Variants in LRRC31 observed in about 807,000 individuals in gnomAD.
LRRC31 encodes the protein leucine-rich repeat-containing protein 31.
A neutral mutation model predicts 46.7 loss-of-function variants in LRRC31; 35 were observed. The ratio of observed to expected loss-of-function variants is 0.75; its 90% CI spans 0.57 to 0.99. The LOEUF (loss-of-function observed/expected upper bound fraction) is 0.99. Ranked by LOEUF, LRRC31 falls within the 50% of genes least tolerant of loss-of-function variation. LRRC31 has a pLI of 0.00. For missense variants in LRRC31, 613 were observed against 626.1 expected (o/e 0.98, Z 0.22); for synonymous variants, 236 against 235.1 (o/e 1.00, Z -0.03).
At chr3:169,844,528 T>G (rs1780545462) in intron 8 of LRRC31, among the ~76,000 whole-genome samples, 1 of 152,186 alleles carries the variant, frequency 6.6e-6, no homozygotes, top group South Asian at 2.1e-4. Context: ...CTTAGGGGAC[T>G]AAGACTGGAA....
At chr3:169,869,532 C>T in intron 1 of LRRC31, 101 bp downstream of exon 1, 7 of 1,014,968 alleles carry the variant, frequency 6.9e-6, no homozygotes, top group Non-Finnish European at 6.9e-6. Context: ...AATATATACA[C>T]CTACTATGTA....
intron 1 of LRRC31, among the ~76,000 whole-genome samples, chr3:169,865,659 G>T (rs116389143): frequency 6.6e-6 from 1 of 152,208 alleles, no homozygotes; most frequent in Non-Finnish European, 1.5e-5. Flanking sequence ...CACCGTTACC[G>T]TATAGATGAG....
chr3:169,849,898 TG>T (rs1389044945), intron 7 of LRRC31, among the ~76,000 whole-genome samples: 1 of 152,222 alleles, frequency 6.6e-6, no homozygotes, highest in Non-Finnish European at 1.5e-5. Flanking sequence ...TTCCAAGTTC[TG>T]GGATATTAGC....
Position 169,869,873 on chromosome 3 carries a change from C to T in LRRC31, c.-66G>A. The stretch of plus-strand genomic sequence containing the variant: ...TGTTGCTTTCTGTTTTCTAGGATTT[C>T]TAAGAAGAAAAGAAGATTCTGTCAA... On this transcript the variant is annotated 5_prime_UTR_variant, in exon 1 of 9. Coordinates refer to ENST00000316428, the MANE Select transcript of LRRC31 (RefSeq NM_024727.4). 3 of 1,416,298 alleles carry T rather than the reference C, an allele frequency of 2.1e-6. No homozygotes were observed. The highest frequency in any genetic ancestry group is 2.8e-6 in the Non-Finnish European group (3 of 1,054,502). 87.7% of individuals were successfully genotyped at this position (1,416,298 alleles called of 1,614,324 possible).
chr3:169,863,259 G>A (rs1015063917), intron 1 of LRRC31, among the ~76,000 whole-genome samples: 9 of 152,030 alleles, frequency 5.9e-5, no homozygotes, highest in African/African-American at 2.2e-4. Context: ...TACTGACAGT[G>A]ATTTTAAAGT....
chr3:169,866,106 A>G (rs1468678058), intron 1 of LRRC31, among the ~76,000 whole-genome samples: 1 of 152,182 alleles, frequency 6.6e-6, no homozygotes, highest in African/African-American at 2.4e-5. Flanking sequence ...AAACTCAGTG[A>G]AGGATTTTAA....
chr3:169,847,938 G>GT (rs1780652754), intron 8 of LRRC31, among the ~76,000 whole-genome samples, 182 bp downstream of exon 8: 2 of 152,152 alleles, frequency 1.3e-5, no homozygotes, highest in South Asian at 4.1e-4. Flanking sequence ...CTGTCATGTG[G>GT]TTTTAGAATT....
rs1472686176 is a variant in LRRC31, at chr3:169,856,719, TC to T, written c.640del (p.Asp214MetfsTer30). ...ELVDCSLTSEDGTFLGQLLPM... is the reference protein window; with the variant it reads ...ELVDCSLTSEXGTFLGQLLPM... ...ATTCCACTTACCCAGAAATGTCCCA[TC>T]TTCTGACGTGAGGGAGCAATCCACA... On this transcript the variant is annotated frameshift_variant, in exon 4 of 9. Coordinates refer to ENST00000316428, the MANE Select transcript of LRRC31 (RefSeq NM_024727.4). LOFTEE classifies it high-confidence loss of function. The T allele has an allele frequency of 6.3e-7, 1 of 1,578,610 alleles. No individual in the cohort carries two copies. The highest frequency in any genetic ancestry group is 8.6e-7 in the Non-Finnish European group (1 of 1,161,842).
At chr3:169,842,443 C>A (rs1481161034) in intron 8 of LRRC31, among the ~76,000 whole-genome samples, 2 of 152,156 alleles carry the variant, frequency 1.3e-5, no homozygotes, top group Non-Finnish European at 2.9e-5. Flanking sequence ...CTCCATCTCC[C>A]GGGTTCAAGT....
At chr3:169,844,031 T>C (rs1780526882) in intron 8 of LRRC31, among the ~76,000 whole-genome samples, 1 of 152,198 alleles carries the variant, frequency 6.6e-6, no homozygotes, top group African/African-American at 2.4e-5. Context: ...GTGAAACAGT[T>C]GAGCAATAAA....
At chr3:169,854,713 C>T in intron 6 of LRRC31, 100 bp downstream of exon 6, 2 of 911,796 alleles carry the variant, frequency 2.2e-6, no homozygotes, top group Middle Eastern at 3.4e-4. Flanking sequence ...CCAATAACTT[C>T]AAAAGAAGTA....
chr3:169,868,323 G>A (rs370683251), intron 1 of LRRC31, among the ~76,000 whole-genome samples: 7 of 151,886 alleles, frequency 4.6e-5, no homozygotes, highest in African/African-American at 1.7e-4. Context: ...TAAGTGGCTC[G>A]CTTTATTCAT....
intron 8 of LRRC31, among the ~76,000 whole-genome samples, chr3:169,841,744 G>GT (rs1405105784): frequency 6.6e-6 from 1 of 151,822 alleles, no homozygotes; most frequent in Non-Finnish European, 1.5e-5. Context: ...CTACTTTTTT[G>GT]TTTTTTAAAA....
chr3:169,848,402 G>T, intron 7 of LRRC31, 115 bp from the exon 8 acceptor site: 1 of 872,304 alleles, frequency 1.1e-6, no homozygotes, highest in Non-Finnish European at 1.7e-6. Context: ...GGTTGAGAAA[G>T]TTGTAGAGAC....
chr3:169,839,291 G>A lies in LRRC31; in HGVS notation c.*691C>T, dbSNP rs1780377884. The A allele has an allele frequency of 6.6e-6, 1 of 152,148 alleles. No individual in the cohort carries two copies. Among genetic ancestry groups the A allele is most frequent in the African/African-American group, 2.4e-5 (1 of 41,436 alleles). 9.4% of individuals were successfully genotyped at this position (152,148 alleles called of 1,614,324 possible). On this transcript the variant is annotated 3_prime_UTR_variant, in exon 9 of 9. Coordinates refer to ENST00000316428, the MANE Select transcript of LRRC31 (RefSeq NM_024727.4). Reference sequence around the variant, plus strand: ...GTTTTAATTTATTCTAACAAGATATGTTTTTCATACTGAGTTTTAGATTTT... The same window carrying A: ...GTTTTAATTTATTCTAACAAGATATATTTTTCATACTGAGTTTTAGATTTT...
intron 1 of LRRC31, among the ~76,000 whole-genome samples, chr3:169,868,214 C>G (rs769369906): frequency 6.6e-6 from 1 of 152,208 alleles, no homozygotes; most frequent in Non-Finnish European, 1.5e-5. Flanking sequence ...TTTAGCATCC[C>G]TGACTTCCTG....
At chr3:169,856,578 G>T (rs2108215953) in intron 4 of LRRC31, 75 bp from the exon 5 acceptor site, 1 of 1,352,234 alleles carries the variant, frequency 7.4e-7, no homozygotes, top group Non-Finnish European at 9.9e-7. Flanking sequence ...GGGATATCGT[G>T]ACGTAAAACT....
At chr3:169,857,339 T>C (rs1560629919) in intron 3 of LRRC31, among the ~76,000 whole-genome samples, 1 of 112,402 alleles carries the variant, frequency 8.9e-6, no homozygotes, top group African/African-American at 3.2e-5. Context: ...TATATATATA[T>C]ATATATACAC....
chr3:169,843,650 AATACATGGAT>A (rs1323168262), intron 8 of LRRC31, among the ~76,000 whole-genome samples: 1 of 152,218 alleles, frequency 6.6e-6, no homozygotes, highest in Non-Finnish European at 1.5e-5. Flanking sequence ...ACTGTGAACA[AATACATGGAT>A]ATTGTTTTAA....
Sources: allele counts gnomAD v4.1 joint callset (sites outside exome capture counted in the v4.1 genomes callset), GRCh38; gene constraint gnomAD v4.1.1; transcripts MANE v1.5; gene names NCBI Gene and HGNC (gene_info 2026-07-23, HGNC 2026-07-21).